The following AK9 variants were observed in gnomAD, a reference collection of about 807,000 sequenced individuals.
The protein encoded by AK9 is adenylate kinase 9.
Under a neutral mutation model 239.6 loss-of-function variants are expected in AK9, and 191 were observed. The observed-to-expected ratio is 0.80, with a 90% CI of 0.71 to 0.90. The LOEUF (loss-of-function observed/expected upper bound fraction) is 0.90, where lower values mean the gene tolerates loss of function less well. Ranked by LOEUF, AK9 falls within the 40% of genes least tolerant of loss-of-function variation. AK9 has a pLI of 0.00. For missense variants in AK9, 1,995 were observed against 2,214.7 expected (o/e 0.90, Z 1.99); for synonymous variants, 689 against 721.0 (o/e 0.96, Z 0.71).
At chr6:109,512,838 C>T (rs1455768621) in intron 32 of AK9, among the ~76,000 whole-genome samples, 1 of 152,174 alleles carries the variant, frequency 6.6e-6, no homozygotes, top group East Asian at 1.9e-4. Flanking sequence ...AAATGCCTTT[C>T]CAGAAATGAT....
chr6:109,677,085 A>G (rs1771865811), intron 1 of AK9, among the ~76,000 whole-genome samples: 1 of 152,110 alleles, frequency 6.6e-6, no homozygotes, highest in South Asian at 2.1e-4. Flanking sequence ...ACTAAGGCCT[A>G]CTTGAGGGTA....
Position 109,673,133 on chromosome 6 carries a change from T to C in AK9, c.182-966A>G, listed in dbSNP as rs550255221. Among the ~76,000 whole-genome samples the C allele has an allele frequency of 2.6e-5, 4 of 152,310 alleles. No homozygotes were observed. The South Asian group carries it at 8.3e-4, about 32-fold the overall frequency. ...TATATCATTAGTTATTAATAATCTA[T>C]GGGATGTTTGGTATTCTTTAAGATT... On this transcript the variant is annotated intron_variant, in intron 3 of 40. Transcript: ENST00000424296.
chr6:109,516,317 G>A (rs935228384), intron 30 of AK9, 113 bp downstream of exon 30: 16 of 983,206 alleles, frequency 1.6e-5, no homozygotes, highest in Non-Finnish European at 2.4e-5. Context: ...AGGAAATACA[G>A]CCCTAAAATA....
Position 109,497,514 on chromosome 6 carries a change from T to G in AK9, c.5266A>C (p.Asn1756His), listed in dbSNP as rs1322968547. The G allele has an allele frequency of 6.2e-7, 1 of 1,610,188 alleles. No homozygotes were observed. Among genetic ancestry groups the G allele is most frequent in the Admixed American group, 1.7e-5 (1 of 59,940 alleles). Residue 1756 changes from asparagine (N) to histidine (H), a missense_variant, in exon 38 of 41, where the codon AAT becomes CAT. Physicochemically the swap from Asn to His is moderately conservative, Grantham distance 68. Around this residue, in one of 5 missense-constraint regions of AK9, gnomAD observed 391 missense variants for 456.0 expected, o/e 0.86. Transcript: ENST00000424296. ...GSINYALEYH[N>H]RIYICENKEK... ...TTGTTCTCACAAATATATATACGATTATGATATTCTAAAGCATAGTTAATG... is the reference window on the plus strand; with the variant it reads ...TTGTTCTCACAAATATATATACGATGATGATATTCTAAAGCATAGTTAATG...
intron 1 of AK9, among the ~76,000 whole-genome samples, chr6:109,688,398 G>GT (rs1371351641): frequency 6.6e-6 from 1 of 152,160 alleles, no homozygotes; most frequent in African/African-American, 2.4e-5. Context: ...CTACCTAAAG[G>GT]TTTAGAGTAT....
chr6:109,641,478 T>C, intron 10 of AK9, 40 bp downstream of exon 10: 5 of 1,513,078 alleles, frequency 3.3e-6, no homozygotes, highest in Non-Finnish European at 4.6e-6. Flanking sequence ...CCACAACATA[T>C]ATTGAAAATT....
intron 1 of AK9, among the ~76,000 whole-genome samples, chr6:109,679,345 T>TCCAACTGGCGGAG (rs113281660): frequency 6.6e-6 from 1 of 151,700 alleles, no homozygotes; most frequent in Non-Finnish European, 1.5e-5. Context: ...TTGGGGAAGT[T>TCCAACTGGCGGAG]CCCTCCTCCC....
chr6:109,649,324 ATT>A (rs1276772994), intron 8 of AK9, among the ~76,000 whole-genome samples: 1 of 151,862 alleles, frequency 6.6e-6, no homozygotes, highest in Non-Finnish European at 1.5e-5. Flanking sequence ...AGATGACATG[ATT>A]GCATATCTAG....
At chr6:109,603,339 C>G (rs2128231661) in intron 17 of AK9, among the ~76,000 whole-genome samples, 1 of 152,316 alleles carries the variant, frequency 6.6e-6, no homozygotes, top group African/African-American at 2.4e-5. Context: ...GAGGTCCACT[C>G]CAGACCCTGT....
Position 109,497,910 on chromosome 6 carries a change from G to A in AK9, c.5102C>T (p.Pro1701Leu), listed in dbSNP as rs2115406071. Residue 1701 changes from proline (P) to leucine (L), a missense_variant, in exon 37 of 41, where the codon CCA (proline) becomes CTA (leucine). Transcript: ENST00000424296. ...YVPPLAPHPL[P>L]SADMIPKRLT... is the part of the protein sequence containing the mutation. The stretch of plus-strand genomic sequence containing the variant: ...TCTTTTGGGGATCATGTCAGCAGAT[G>A]GGAGTGGATGAGGTGCTAAGGGAGG... 1 of 1,614,054 alleles carries A rather than the reference G, an allele frequency of 6.2e-7. No homozygotes were observed. The highest frequency in any genetic ancestry group is 8.5e-7 in the Non-Finnish European group (1 of 1,179,980).
intron 29 of AK9, among the ~76,000 whole-genome samples, chr6:109,521,641 G>A (rs1161088298): frequency 6.6e-6 from 1 of 151,952 alleles, no homozygotes; most frequent in Non-Finnish European, 1.5e-5. Context: ...TTCTGAATAT[G>A]GAAATCCAAT....
intron 6 of AK9, 29 bp from the exon 7 acceptor site, chr6:109,659,442 A>G (rs1386413144): frequency 2.5e-6 from 4 of 1,571,000 alleles, no homozygotes; most frequent in Non-Finnish European, 3.5e-6. Flanking sequence ...AAATCACTTA[A>G]AACATTTTGA....
chr6:109,656,912 A>G (rs1799770440), intron 7 of AK9, 28 bp from the exon 8 acceptor site: 1 of 1,609,354 alleles, frequency 6.2e-7, no homozygotes, highest in African/African-American at 1.3e-5. Context: ...GATTTCAAAT[A>G]TCTTTAGGTC....
chr6:109,502,484 T>C (rs752492185), intron 35 of AK9, among the ~76,000 whole-genome samples: 18 of 152,126 alleles, frequency 1.2e-4, no homozygotes, highest in Admixed American at 5.2e-4. Context: ...CAGAAAGGCA[T>C]GGAATAGATC....
intron 1 of AK9, among the ~76,000 whole-genome samples, chr6:109,684,873 C>CAAAAAAAAAAAAAAAA (rs60500211): frequency 4.6e-4 from 10 of 21,870 alleles, no homozygotes; most frequent in Admixed American, 8.5e-4. Flanking sequence ...GACTCCGTCT[C>CAAAAAAAAAAAAAAAA]AAAAAAAAAA....
chr6:109,495,472 C>T (rs1269243718), intron 38 of AK9, 32 bp from the exon 39 acceptor site: 5 of 1,495,482 alleles, frequency 3.3e-6, no homozygotes, highest in African/African-American at 1.4e-5. Context: ...GATGGATGCT[C>T]ACAGTTATAC....
At chr6:109,589,174 CTCATT>C (rs1335615279) in intron 17 of AK9, among the ~76,000 whole-genome samples, 1 of 152,040 alleles carries the variant, frequency 6.6e-6, no homozygotes, top group Non-Finnish European at 1.5e-5. Context: ...CAGTATTATA[CTCATT>C]TCAACAATAT....
chr6:109,632,789 C>T, intron 12 of AK9, 134 bp downstream of exon 12: 2 of 1,367,490 alleles, frequency 1.5e-6, no homozygotes, highest in Non-Finnish European at 1.9e-6. Context: ...TCAATTAAAA[C>T]ATGAAATTTT....
intron 24 of AK9, among the ~76,000 whole-genome samples, chr6:109,558,285 G>C (rs372690686): frequency 1.3e-5 from 2 of 151,962 alleles, no homozygotes; most frequent in African/African-American, 4.8e-5. Flanking sequence ...TCTGCTTTTG[G>C]TGTCATGTCT....
Sources: allele counts gnomAD v4.1 joint callset (sites outside exome capture counted in the v4.1 genomes callset), GRCh38; gene constraint gnomAD v4.1.1; regional missense constraint gnomAD v4.1.1; transcripts MANE v1.5; gene names NCBI Gene and HGNC (gene_info 2026-07-23, HGNC 2026-07-21).